The following FIBCD1 variants were observed in gnomAD, a reference collection of about 807,000 sequenced individuals.
FIBCD1 encodes the protein fibrinogen C domain containing 1.
Under a neutral mutation model 45.1 loss-of-function variants are expected in FIBCD1, and 47 were observed. That is an observed-to-expected ratio of 1.04 (90% CI 0.82 to 1.33). The LOEUF (loss-of-function observed/expected upper bound fraction) is 1.33. Among genes scored for constraint, FIBCD1 ranks in the 40% most tolerant of loss-of-function variants. The probability of loss-of-function intolerance (pLI) is 0.00; values close to 1 mark genes in which losing one functional copy is unlikely to be tolerated. For missense variants in FIBCD1, 653 were observed against 682.2 expected (o/e 0.96, Z 0.48); for synonymous variants, 313 against 308.1 (o/e 1.02, Z -0.17).
At chr9:130,911,434 T>C (rs1457984625) in intron 5 of FIBCD1, among the ~76,000 whole-genome samples, 1 of 152,184 alleles carries the variant, frequency 6.6e-6, no homozygotes, top group African/African-American at 2.4e-5. Context: ...GGCCGGGTCC[T>C]CCTCTGTCCT....
upstream of FIBCD1, among the ~76,000 whole-genome samples, chr9:130,939,880 G>A (rs1401644727): frequency 1.3e-5 from 2 of 151,866 alleles, no homozygotes; most frequent in Non-Finnish European, 2.9e-5. Context: ...GCTTCTGACC[G>A]GGAGGCGCCC....
chr9:130,917,010 A>C (rs900646416), intron 4 of FIBCD1, among the ~76,000 whole-genome samples: 1 of 152,222 alleles, frequency 6.6e-6, no homozygotes, highest in African/African-American at 2.4e-5. Context: ...AGGCAGGAGA[A>C]TCACTTGAAC....
At chr9:130,934,267 G>C (rs990009863) in intron 1 of FIBCD1, among the ~76,000 whole-genome samples, 1 of 152,154 alleles carries the variant, frequency 6.6e-6, no homozygotes, top group African/African-American at 2.4e-5. Flanking sequence ...GGCAGAGGGA[G>C]GGTCCCAGAG....
At chr9:130,911,642 C>T in intron 5 of FIBCD1, 150 bp downstream of exon 5, 2 of 661,148 alleles carry the variant, frequency 3.0e-6, no homozygotes, top group South Asian at 1.8e-5. Flanking sequence ...TGCCTGTCAC[C>T]TTCATGCATG....
At chr9:130,911,967 G>C in intron 4 of FIBCD1, 79 bp from the exon 5 acceptor site, 1 of 1,324,448 alleles carries the variant, frequency 7.6e-7, no homozygotes, top group Admixed American at 2.0e-5. Flanking sequence ...ACCCCGCCCA[G>C]AGACTCCCCT....
Position 130,930,054 on chromosome 9 carries a change from C to A in FIBCD1, c.73-8G>T. 6.7e-7 allele frequency: 1 copy of A among 1,500,792 alleles called. No homozygotes were observed. The highest frequency in any genetic ancestry group is 8.9e-7 in the Non-Finnish European group (1 of 1,129,486). 93.0% of individuals were successfully genotyped at this position (1,500,792 alleles called of 1,614,324 possible). ...GTAGCCGCAGCTCGGCCGCTGCAGG[C>A]CCGCCCGGGACGCACAGACACAGAC... On this transcript the variant is annotated splice_region_variant and splice_polypyrimidine_tract_variant and intron_variant, in intron 1 of 6. Transcript: ENST00000372338.
rs1832561654 is a variant in FIBCD1 at position 130,938,670 on chromosome 9, G to C, written c.-63C>G. The C allele has an allele frequency of 8.8e-7, 1 of 1,132,970 alleles. No individual in the cohort carries two copies. The highest frequency in any genetic ancestry group is 4.5e-5 in the Admixed American group (1 of 22,188). 70.2% of individuals were successfully genotyped at this position (1,132,970 alleles called of 1,614,324 possible). On this transcript the variant is annotated 5_prime_UTR_variant, in exon 1 of 7. Coordinates refer to ENST00000372338, the MANE Select transcript of FIBCD1 (RefSeq NM_032843.5). Reference sequence around the variant, plus strand: ...GCCGCTGCGGAGCGCAAAGGAGACGGGGTGGGCGCGGGCGCGGGCGCGGGG... The same window carrying C: ...GCCGCTGCGGAGCGCAAAGGAGACGCGGTGGGCGCGGGCGCGGGCGCGGGG...
At chr9:130,918,885 G>A (rs540721994) in intron 4 of FIBCD1, among the ~76,000 whole-genome samples, 7 of 152,344 alleles carry the variant, frequency 4.6e-5, no homozygotes, top group African/African-American at 1.7e-4. Context: ...AGGGCCGGTG[G>A]GGAAGAGGCA....
intron 4 of FIBCD1, among the ~76,000 whole-genome samples, chr9:130,916,870 G>A (rs1832170014): frequency 6.6e-6 from 1 of 152,270 alleles, no homozygotes; most frequent in African/African-American, 2.4e-5. Context: ...GGCTGAGGCA[G>A]GCACATCACT....
intron 5 of FIBCD1, among the ~76,000 whole-genome samples, chr9:130,911,410 C>T (rs1285138987): frequency 2.0e-5 from 3 of 152,216 alleles, no homozygotes; most frequent in Admixed American, 6.5e-5. Flanking sequence ...CCCTGGCACC[C>T]TTGGGCAGGG....
chr9:130,906,350 T>A (rs1472516528), intron 5 of FIBCD1, among the ~76,000 whole-genome samples: 1 of 152,168 alleles, frequency 6.6e-6, no homozygotes, highest in Non-Finnish European at 1.5e-5. Context: ...CATCCGCTTC[T>A]CCCTCCTGCC....
At chr9:130,917,727 C>T (rs1051375259) in intron 4 of FIBCD1, among the ~76,000 whole-genome samples, 1 of 152,172 alleles carries the variant, frequency 6.6e-6, no homozygotes, top group East Asian at 1.9e-4. Flanking sequence ...CGGCCAGTGC[C>T]GTAGAGGATG....
chr9:130,912,719 G>A (rs1334696004), intron 4 of FIBCD1, among the ~76,000 whole-genome samples: 1 of 150,614 alleles, frequency 6.6e-6, no homozygotes, highest in Non-Finnish European at 1.5e-5. Context: ...AAAAAAAAGG[G>A]AATCTCGGTG....
intron 5 of FIBCD1, among the ~76,000 whole-genome samples, chr9:130,911,081 G>A (rs1028339235): frequency 2.6e-5 from 4 of 152,150 alleles, no homozygotes; most frequent in African/African-American, 7.2e-5. Context: ...TCGGCAACCC[G>A]CTCAGGTTCC....
At chr9:130,921,490 C>T (rs566373877) in intron 4 of FIBCD1, among the ~76,000 whole-genome samples, 14 of 152,222 alleles carry the variant, frequency 9.2e-5, no homozygotes, top group Non-Finnish European at 1.8e-4. Flanking sequence ...TCTCCCAGGG[C>T]CCCCGGAACC....
chr9:130,931,903 G>A (rs904075368), intron 1 of FIBCD1, among the ~76,000 whole-genome samples: 11 of 152,252 alleles, frequency 7.2e-5, no homozygotes, highest in East Asian at 1.9e-4. Context: ...AAATGACTTC[G>A]TATATTAAAG....
chr9:130,938,596 G>C lies in FIBCD1; in HGVS notation c.12C>G (p.Asp4Glu). ...CAGCGCCGCCCATGGTCTTCCACCG[G>C]TCGTTGACCATCTTCCGGCAGGACT... The part of the protein sequence containing the change: MVN[D>E]RWKTMGGAAQ... The change falls in exon 1 of 7, where the codon GAC (aspartate) becomes GAG (glutamate). Residue 4 changes from aspartate to glutamate, a missense_variant. Physicochemically the swap from Asp to Glu is conservative, Grantham distance 45 (BLOSUM62 2). Transcript: ENST00000372338. The C allele has an allele frequency of 6.8e-7, 1 of 1,467,654 alleles. No homozygotes were observed. Among genetic ancestry groups the C allele is most frequent in the Non-Finnish European group, 9.0e-7 (1 of 1,111,896 alleles). 90.9% of individuals were successfully genotyped at this position (1,467,654 alleles called of 1,614,324 possible).
Position 130,939,061 on chromosome 9 carries a change from C to T in FIBCD1, c.-454G>A, listed in dbSNP as rs1465658392. 6.6e-6 allele frequency: 1 copy of T among 152,148 alleles called. No individual in the cohort carries two copies. The highest frequency in any genetic ancestry group is 1.5e-5 in the Non-Finnish European group (1 of 68,034). The allele number at this position is 152,148 out of a possible 1,614,324, so 9.4% of individuals were successfully genotyped here. On this transcript the variant is annotated 5_prime_UTR_variant, in exon 1 of 7. It removes the in-frame stop codon of an upstream open reading frame in the 5' UTR. Transcript: ENST00000372338. ...TACTAAACTCCGCCTCCGAAAAGACCTAGGGAAAGGAGGCCGAACTGGCCC... is the reference window on the plus strand; with the variant it reads ...TACTAAACTCCGCCTCCGAAAAGACTTAGGGAAAGGAGGCCGAACTGGCCC...
At position 130,930,034 on chromosome 9, in the gene FIBCD1, C is replaced by A; in HGVS notation, c.85G>T (p.Gly29Cys). 1.3e-6 allele frequency: 2 copies of A among 1,500,942 alleles called. No individual in the cohort carries two copies. Among genetic ancestry groups the A allele is most frequent in the African/African-American group, 2.8e-5 (2 of 72,314 alleles). The allele number at this position is 1,500,942 out of a possible 1,614,324, so 93.0% of individuals were successfully genotyped here. Residue 29 changes from glycine to cysteine, a missense_variant, in exon 2 of 7, where the codon GGC becomes TGC. Transcript: ENST00000372338. ...PRDKPQRPSC[G>C]YVLCTVLLAL... ...AGCAGCACGGTGCACAGCACGTAGC[C>A]GCAGCTCGGCCGCTGCAGGCCCGCC... is the stretch of plus-strand genomic sequence containing the variant.
Sources: gnomAD v4.1 joint callset for allele counts (sites outside exome capture counted in the v4.1 genomes callset) on GRCh38, gnomAD v4.1.1 for gene constraint, MANE v1.5 for transcripts, NCBI Gene and HGNC (gene_info 2026-07-23, HGNC 2026-07-21) for gene names.